Variants in ZCCHC14 observed in about 807,000 individuals in gnomAD.
ZCCHC14 encodes zinc finger CCHC domain-containing protein 14.
ZCCHC14 carries 16 observed loss-of-function variants against 85.0 expected under a neutral mutation model. The ratio of observed to expected loss-of-function variants is 0.19; its 90% CI spans 0.13 to 0.29. The LOEUF (loss-of-function observed/expected upper bound fraction) is 0.29, where lower values mean the gene tolerates loss of function less well. ZCCHC14 is among the 10% of genes least tolerant of loss of function. The pLI is 1.00. For synonymous variants in ZCCHC14, 775 were observed against 630.7 expected, an observed-to-expected ratio of 1.23 and a Z score of -3.43; for missense variants, 1,303 against 1,443.5, an observed-to-expected ratio of 0.90 and a Z score of 1.58.
rs1908360203 is a variant in ZCCHC14, at chr16:87,409,948, G to A, written c.*332C>T. ...GATTCAGACCACGTGTAGCTGCCCTGGAATTGACGTGTGAGCCTAGGAGGG... is the reference window on the plus strand; with the variant it reads ...GATTCAGACCACGTGTAGCTGCCCTAGAATTGACGTGTGAGCCTAGGAGGG... On this transcript the variant is annotated 3_prime_UTR_variant, in exon 13 of 13. Transcript: ENST00000671377. 4.8e-6 allele frequency: 1 copy of A among 207,540 alleles called. No individual in the cohort carries two copies. The highest frequency in any genetic ancestry group is 9.6e-6 in the Non-Finnish European group (1 of 104,186). The allele number at this position is 207,540 out of a possible 1,614,324, so 12.9% of individuals were successfully genotyped here. A position where few individuals can be genotyped will look rare whatever the true frequency, so the allele number is the denominator to read the frequency against.
intron 3 of ZCCHC14, among the ~76,000 whole-genome samples, chr16:87,425,047 G>A (rs528155140): frequency 4.6e-5 from 7 of 152,176 alleles, no homozygotes; most frequent in African/African-American, 1.7e-4. Flanking sequence ...TAGTCCCCGA[G>A]GTGTCCACCC....
chr16:87,410,970 G>A (rs1398889833), intron 12 of ZCCHC14, among the ~76,000 whole-genome samples: 1 of 152,202 alleles, frequency 6.6e-6, no homozygotes, highest in Non-Finnish European at 1.5e-5. Flanking sequence ...CAGACAGCAA[G>A]AAGAACCCTA....
At chr16:87,461,560 A>C (rs1911260024) in intron 1 of ZCCHC14, among the ~76,000 whole-genome samples, 1 of 152,178 alleles carries the variant, frequency 6.6e-6, no homozygotes, top group Non-Finnish European at 1.5e-5. Context: ...TTGTTCTTTC[A>C]TCTCATACCT....
intron 1 of ZCCHC14, among the ~76,000 whole-genome samples, chr16:87,487,699 C>G (rs1912574100): frequency 6.6e-6 from 1 of 152,242 alleles, no homozygotes. Context: ...ACCATGAAGA[C>G]AAAAGTCTAC....
In ZCCHC14 at chr16:87,420,784, G is replaced by A. The variant is rs1909055715; in HGVS notation, c.841-68C>T. 2 of 1,381,472 alleles carry A rather than the reference G, an allele frequency of 1.4e-6. No individual in the cohort carries two copies. The highest frequency in any genetic ancestry group is 5.0e-5 in the East Asian group (2 of 39,608). 85.6% of individuals were successfully genotyped at this position (1,381,472 alleles called of 1,614,324 possible). ...CCAACACCAGCAGAATTCTGCTACT[G>A]CAGGAAAACCTGGGGCAGGTGCTCC... On this transcript the variant is annotated intron_variant, in intron 4 of 12. Transcript: ENST00000671377. This position sits in a 1 kb window ranked among gnomAD's most constrained non-coding sequence, Gnocchi z 5.0.
Position 87,457,005 on chromosome 16 carries a change from G to A in ZCCHC14, c.694+3003C>T, listed in dbSNP as rs559005524. Reference sequence around the variant, plus strand: ...GTAAAAGCAGTTTCCATCTCAGCTTGTACACTACAACAGCTTCCCTAAGTT... The same window carrying A: ...GTAAAAGCAGTTTCCATCTCAGCTTATACACTACAACAGCTTCCCTAAGTT... On this transcript the variant is annotated intron_variant, in intron 2 of 12. Coordinates refer to ENST00000671377, the MANE Select transcript of ZCCHC14 (RefSeq NM_015144.3). Among the ~76,000 whole-genome samples, 72 of 152,300 alleles carry A rather than the reference G, an allele frequency of 4.7e-4. 1 individual carries two copies. The highest frequency in any genetic ancestry group is 4.6e-3 in the Admixed American group (71 of 15,304).
chr16:87,425,551 G>T (rs1405407260), intron 3 of ZCCHC14, among the ~76,000 whole-genome samples: 1 of 151,718 alleles, frequency 6.6e-6, no homozygotes, highest in Non-Finnish European at 1.5e-5. Context: ...ACTCCAGCCT[G>T]GGCAACAAGA....
At chr16:87,475,847 G>A (rs961765070) in intron 1 of ZCCHC14, among the ~76,000 whole-genome samples, 4 of 152,118 alleles carry the variant, frequency 2.6e-5, no homozygotes, top group Admixed American at 2.6e-4. Context: ...GAGAAATTAT[G>A]GCTGAAAATT....
Position 87,476,839 on chromosome 16 carries a change from A to G in ZCCHC14, c.570+14830T>C, listed in dbSNP as rs55814454. Among the ~76,000 whole-genome samples the G allele has an allele frequency of 9.6e-3, 1,459 of 152,076 alleles. 25 individuals carry two copies. The highest frequency in any genetic ancestry group is 0.034 in the African/African-American group (1,405 of 41,458). ...GGCTTACTGCTTCTGTCAAAACTGA[A>G]GTGGTGGCCGGGCGCGGTGGCTCGT... On this transcript the variant is annotated intron_variant, in intron 1 of 12. Transcript: ENST00000671377.
intron 4 of ZCCHC14, among the ~76,000 whole-genome samples, chr16:87,421,681 G>T (rs547762598): frequency 8.5e-4 from 130 of 152,296 alleles, no homozygotes; most frequent in African/African-American, 3.1e-3. Context: ...AAAGCTGGGA[G>T]TGAAGCAAAA....
At chr16:87,450,024 G>A (rs929657326) in intron 2 of ZCCHC14, among the ~76,000 whole-genome samples, 16 of 152,194 alleles carry the variant, frequency 1.1e-4, no homozygotes, top group Admixed American at 2.6e-4. Context: ...TGCAGCCTGG[G>A]CAACAGAGTA....
At chr16:87,426,682 G>A (rs1909388072) in intron 3 of ZCCHC14, among the ~76,000 whole-genome samples, 1 of 152,190 alleles carries the variant, frequency 6.6e-6, no homozygotes, top group African/African-American at 2.4e-5. Flanking sequence ...ACACCCCTAA[G>A]GGGACAGGCA....
chr16:87,413,254 C>T, intron 10 of ZCCHC14, 59 bp from the exon 11 acceptor site: 1 of 1,461,524 alleles, frequency 6.8e-7, no homozygotes, highest in Non-Finnish European at 9.0e-7. Context: ...CTCAGCCCGC[C>T]CCGTGCCCCT....
chr16:87,466,651 G>T (rs534824213), intron 1 of ZCCHC14, among the ~76,000 whole-genome samples: 1 of 152,356 alleles, frequency 6.6e-6, no homozygotes, highest in East Asian at 1.9e-4. Context: ...CACTTCACAG[G>T]AGCGCTGAGC....
chr16:87,413,314 G>A (rs1374754523), intron 10 of ZCCHC14, 119 bp from the exon 11 acceptor site: 6 of 1,390,322 alleles, frequency 4.3e-6, no homozygotes, highest in Non-Finnish European at 5.7e-6. Flanking sequence ...AGGGCTCTGA[G>A]AGTCAGAAAA....
intron 1 of ZCCHC14, among the ~76,000 whole-genome samples, chr16:87,464,182 G>A (rs1309243542): frequency 6.6e-6 from 1 of 152,210 alleles, no homozygotes; most frequent in Non-Finnish European, 1.5e-5. Flanking sequence ...AGGAAGGGGA[G>A]AGGAGGGCTG....
At chr16:87,413,682 G>T (rs1188605856) in intron 10 of ZCCHC14, among the ~76,000 whole-genome samples, 1 of 152,108 alleles carries the variant, frequency 6.6e-6, no homozygotes, top group African/African-American at 2.4e-5. Flanking sequence ...CGCCCTTTCT[G>T]AGAGGGGAGG....
At chr16:87,433,656 T>C (rs979310083) in intron 2 of ZCCHC14, among the ~76,000 whole-genome samples, 1 of 152,118 alleles carries the variant, frequency 6.6e-6, no homozygotes, top group South Asian at 2.1e-4. Context: ...GTCTCTTCTA[T>C]GTATTTTCTT....
chr16:87,450,027 A>C (rs745817263), intron 2 of ZCCHC14, among the ~76,000 whole-genome samples: 9 of 152,248 alleles, frequency 5.9e-5, no homozygotes, highest in Non-Finnish European at 1.3e-4. Flanking sequence ...AGCCTGGGCA[A>C]CAGAGTAAGA....
Sources: allele counts gnomAD v4.1 joint callset (sites outside exome capture counted in the v4.1 genomes callset), GRCh38; gene constraint gnomAD v4.1.1; non-coding constraint Gnocchi (gnomAD v3.1); transcripts MANE v1.5; gene names NCBI Gene and HGNC (gene_info 2026-07-23, HGNC 2026-07-21).